Variants in MCF2L2 observed in about 807,000 individuals in gnomAD.
MCF2L2 encodes the protein MCF.2 cell line derived transforming sequence-like 2, also known as probable guanine nucleotide exchange factor MCF2L2.
MCF2L2 carries 102 observed loss-of-function variants against 150.2 expected under a neutral mutation model. That is an observed-to-expected ratio of 0.68 (90% CI 0.58 to 0.80). MCF2L2 has a LOEUF of 0.80. Ranked by LOEUF, MCF2L2 falls within the 30% of genes least tolerant of loss-of-function variation. The pLI is 0.00. For synonymous variants in MCF2L2, 465 were observed against 491.3 expected, an observed-to-expected ratio of 0.95 and a Z score of 0.71; for missense variants, 1,256 against 1,372.8, an observed-to-expected ratio of 0.91 and a Z score of 1.34.
At chr3:183,272,079 A>G (rs1472089329) in intron 15 of MCF2L2, 1 of 845,042 alleles carries the variant, frequency 1.2e-6, no homozygotes, top group East Asian at 1.2e-4. Context: ...TATTTTCTAA[A>G]TATTTCAAAC....
chr3:183,293,320 T>C lies in MCF2L2; in HGVS notation c.1675+1980A>G, dbSNP rs187364532. On this transcript the variant is annotated intron_variant, in intron 13 of 29. Transcript: ENST00000328913. ...CTGAAAGACATAAAAACCATGAATA[T>C]GTATGTGCTTAATGACAGAGGTCCA... Among the ~76,000 whole-genome samples, 251 of 152,334 alleles carry C rather than the reference T, an allele frequency of 1.6e-3. 1 individual carries two copies. The highest frequency in any genetic ancestry group is 5.6e-3 in the African/African-American group (232 of 41,574).
chr3:183,388,606 TACAG>T (rs984599393), intron 2 of MCF2L2, among the ~76,000 whole-genome samples: 49 of 152,142 alleles, frequency 3.2e-4, no homozygotes, highest in African/African-American at 1.1e-3. Flanking sequence ...GCATTGGCAA[TACAG>T]ACAGAAAGAA....
rs188081902 is a variant in MCF2L2 at position 183,180,045 on chromosome 3, G to T, written c.3105+26C>A. The T allele has an allele frequency of 2.5e-6, 4 of 1,571,266 alleles. No individual in the cohort carries two copies. In the Admixed American group the frequency reaches 5.0e-5, roughly 20 times the overall value. ...ATGAATAGGAAGGAGGGAAGAAGAT[G>T]AAAGAAACAAAAGGGAAGTAATTAC... On this transcript the variant is annotated intron_variant, in intron 28 of 29. Transcript: ENST00000328913.
chr3:183,207,883 CT>C, intron 22 of MCF2L2, 60 bp from the exon 23 acceptor site: 1 of 1,296,048 alleles, frequency 7.7e-7, no homozygotes, highest in Non-Finnish European at 1.1e-6. Context: ...AGAAAGAAGC[CT>C]TTGTGGCCTG....
rs1343148908 is a variant in MCF2L2, at chr3:183,309,769, T to C, written c.1060A>G (p.Met354Val). 6.2e-7 allele frequency: 1 copy of C among 1,613,862 alleles called. No individual in the cohort carries two copies. The highest frequency in any genetic ancestry group is 1.3e-5 in the African/African-American group (1 of 74,864). ...AEFTGIGDSVMHVEQILKEHK... is the reference protein window; with the variant it reads ...AEFTGIGDSVVHVEQILKEHK... ...TCCTTAAGAATCTGCTCCACGTGCATCACGCTGTCTCCAATGCCTGTAAAC... is the reference window on the plus strand; with the variant it reads ...TCCTTAAGAATCTGCTCCACGTGCACCACGCTGTCTCCAATGCCTGTAAAC... The change falls in exon 10 of 30, where the codon ATG (methionine) becomes GTG (valine). Residue 354 changes from methionine to valine, a missense_variant. Physicochemically the swap from Met to Val is conservative, Grantham distance 21. Transcript: ENST00000328913.
intron 27 of MCF2L2, among the ~76,000 whole-genome samples, chr3:183,191,391 T>C (rs187137354): frequency 5.3e-4 from 80 of 152,338 alleles, no homozygotes; most frequent in African/African-American, 1.9e-3. Context: ...TTGGCTGTTG[T>C]ACATTCCTTG....
chr3:183,255,635 G>A (rs1044462053), intron 15 of MCF2L2, among the ~76,000 whole-genome samples: 13 of 152,204 alleles, frequency 8.5e-5, no homozygotes, highest in African/African-American at 3.1e-4. Flanking sequence ...AGATGAGGAT[G>A]AGTAGGAGGT....
chr3:183,428,103 G>A lies in MCF2L2; in HGVS notation c.-126C>T, dbSNP rs972613131. The stretch of plus-strand genomic sequence containing the variant: ...CCCTCGCCCTCTTCCTGGCTCTCCA[G>A]GCAAGAAACGAGAGTCCCTCGCAGC... On this transcript the variant is annotated 5_prime_UTR_variant, in exon 1 of 30. Transcript: ENST00000328913. The surrounding 1 kb of genome is among the most constrained non-coding windows in gnomAD (Gnocchi z 5.1). The A allele has an allele frequency of 5.5e-6, 4 of 727,520 alleles. No individual in the cohort carries two copies. The highest frequency in any genetic ancestry group is 9.6e-6 in the Non-Finnish European group (4 of 417,518). 45.1% of individuals were successfully genotyped at this position (727,520 alleles called of 1,614,324 possible). A position where few individuals can be genotyped will look rare whatever the true frequency, so the allele number is the denominator to read the frequency against.
rs1730574164 is a variant in MCF2L2 at position 183,338,455 on chromosome 3, A to AC, written c.486+344_486+345insG. Among the ~76,000 whole-genome samples the AC allele has an allele frequency of 2.0e-5, 3 of 151,286 alleles. No homozygotes were observed. The South Asian group carries it at 6.3e-4, about 32-fold the overall frequency. On this transcript the variant is annotated intron_variant, in intron 5 of 29. Coordinates refer to ENST00000328913, the MANE Select transcript of MCF2L2 (RefSeq NM_015078.4). ...GGAGCGAAACTCTATCTCAAAAAAA[A>AC]AAAAAAAAAAGAAAAAGAAAAAAGA... is the stretch of plus-strand genomic sequence containing the variant.
At chr3:183,285,025 A>G (rs1201618660) in intron 14 of MCF2L2, among the ~76,000 whole-genome samples, 1 of 152,242 alleles carries the variant, frequency 6.6e-6, no homozygotes, top group East Asian at 1.9e-4. Flanking sequence ...TTTGGGAGTC[A>G]AAGTAATGAG....
At chr3:183,358,168 G>A (rs1315206694) in intron 3 of MCF2L2, among the ~76,000 whole-genome samples, 1 of 152,156 alleles carries the variant, frequency 6.6e-6, no homozygotes, top group Non-Finnish European at 1.5e-5. Flanking sequence ...GCGGGCACCT[G>A]TAATCCCAGC....
intron 3 of MCF2L2, among the ~76,000 whole-genome samples, chr3:183,354,552 T>C (rs1044554536): frequency 6.8e-6 from 1 of 146,770 alleles, no homozygotes; most frequent in Admixed American, 6.8e-5. Context: ...GATAATAACT[T>C]AACCATTTCA....
intron 15 of MCF2L2, among the ~76,000 whole-genome samples, chr3:183,240,408 G>A (rs992121303): frequency 3.9e-5 from 6 of 152,130 alleles, no homozygotes; most frequent in Admixed American, 2.0e-4. Flanking sequence ...TTTTGTATTA[G>A]GGGTTTTACC....
intron 27 of MCF2L2, 41 bp from the exon 28 acceptor site, chr3:183,180,200 G>A: frequency 1.5e-6 from 2 of 1,307,288 alleles, no homozygotes; most frequent in Non-Finnish European, 2.2e-6. Context: ...CTGTGGGGTG[G>A]GAGGACATCC....
chr3:183,308,887 T>C (rs1034945786), intron 10 of MCF2L2, among the ~76,000 whole-genome samples: 1 of 152,160 alleles, frequency 6.6e-6, no homozygotes, highest in East Asian at 1.9e-4. Flanking sequence ...CTGAGAAACA[T>C]GCCTCCAGAT....
At chr3:183,282,264 T>C (rs963721627) in intron 14 of MCF2L2, among the ~76,000 whole-genome samples, 20 of 152,140 alleles carry the variant, frequency 1.3e-4, no homozygotes, top group South Asian at 1.2e-3. Flanking sequence ...CTGCAAGCTC[T>C]GCCTCCCTGG....
chr3:183,218,309 A>G (rs1472432261), intron 21 of MCF2L2, among the ~76,000 whole-genome samples: 1 of 152,188 alleles, frequency 6.6e-6, no homozygotes, highest in African/African-American at 2.4e-5. Context: ...ACAGACTCTC[A>G]CCTGAATTTA....
At chr3:183,186,666 G>T (rs1157682106) in intron 27 of MCF2L2, among the ~76,000 whole-genome samples, 2 of 152,250 alleles carry the variant, frequency 1.3e-5, no homozygotes, top group South Asian at 4.1e-4. Flanking sequence ...GGTGGAGGTT[G>T]CAGTGAGCCA....
intron 5 of MCF2L2, among the ~76,000 whole-genome samples, chr3:183,336,722 C>T (rs533905414): frequency 9.2e-5 from 14 of 151,568 alleles, no homozygotes; most frequent in Non-Finnish European, 1.5e-4. Context: ...GGCGTGGTGG[C>T]GGGTGCCTAT....
Sources: allele counts gnomAD v4.1 joint callset (sites outside exome capture counted in the v4.1 genomes callset), GRCh38; gene constraint gnomAD v4.1.1; non-coding constraint Gnocchi (gnomAD v3.1); transcripts MANE v1.5; gene names NCBI Gene and HGNC (gene_info 2026-07-23, HGNC 2026-07-21).